SETD4: variants seen among roughly 807,000 people sequenced by gnomAD.
SETD4 encodes the protein SET domain-containing protein 4.
A neutral mutation model predicts 58.3 loss-of-function variants in SETD4; 46 were observed. The ratio of observed to expected loss-of-function variants is 0.79; its 90% confidence interval spans 0.62 to 1.01. The LOEUF is 1.01. Ranked by LOEUF, SETD4 falls within the 50% of genes least tolerant of loss-of-function variation. The probability of loss-of-function intolerance (pLI) is 0.00; values close to 1 mark genes in which losing one functional copy is unlikely to be tolerated. For missense variants in SETD4, 490 were observed against 523.3 expected (o/e 0.94, Z 0.62); for synonymous variants, 190 against 202.6 (o/e 0.94, Z 0.53).
chr21:36,040,308 C>T (rs2063985513), intron 9 of SETD4, among the ~76,000 whole-genome samples: 2 of 152,168 alleles, frequency 1.3e-5, no homozygotes, highest in African/African-American at 4.8e-5. Flanking sequence ...TTTCAGGTCA[C>T]CAGAAGGAAA....
intron 7 of SETD4, chr21:36,042,433 A>G (rs2064108470): frequency 6.6e-6 from 1 of 152,246 alleles, no homozygotes; most frequent in Non-Finnish European, 1.5e-5. Context: ...AAATTAATTT[A>G]TTCAACAAAT....
chr21:36,057,164 C>G lies in SETD4; in HGVS notation c.114G>C (p.Lys38Asn). The stretch of plus-strand genomic sequence containing the variant: ...CTTGAAACTTCCTAGCTTTCAGCCA[C>G]TTCCTCAGCTCTATAAATTCAGACT... ...SHKSEFIELR[K>N]WLKARKFQDS... The change falls in exon 3 of 12, where the codon AAG becomes AAC. Residue 38 changes from lysine (K) to asparagine (N), a missense_variant. Transcript: ENST00000332131. 2 of 1,614,236 alleles carry G rather than the reference C, an allele frequency of 1.2e-6. No individual in the cohort carries two copies. The highest frequency in any genetic ancestry group is 2.2e-5 in the South Asian group (2 of 91,080).
At chr21:36,051,317 A>G (rs1303236090) in intron 4 of SETD4, 7 of 1,588,812 alleles carry the variant, frequency 4.4e-6, no homozygotes, top group Non-Finnish European at 6.0e-6. Flanking sequence ...CCAAACTCCC[A>G]GGGTGACTGT....
rs2063740210 is a variant in SETD4 at position 36,035,202 on chromosome 21, A to C, written c.*791T>G. The C allele has an allele frequency of 6.6e-6, 1 of 152,346 alleles. No homozygotes were observed. The highest frequency in any genetic ancestry group is 1.5e-5 in the Non-Finnish European group (1 of 68,170). 9.4% of individuals were successfully genotyped at this position (152,346 alleles called of 1,614,324 possible). ...ACAGGCCGCTGAGAGCTGTGCAGGA[A>C]GCTCTCCCCACCCAAGGTCTGCGTG... is the stretch of plus-strand genomic sequence containing the variant. On this transcript the variant is annotated 3_prime_UTR_variant, in exon 12 of 12. Coordinates refer to ENST00000332131, the MANE Select transcript of SETD4 (RefSeq NM_017438.5).
intron 8 of SETD4, 140 bp downstream of exon 8, chr21:36,041,667 G>C (rs1221579892): frequency 3.3e-6 from 2 of 604,626 alleles, no homozygotes; most frequent in East Asian, 6.2e-5. Context: ...CAGTTTTACT[G>C]CACATAGTAA....
At chr21:36,051,413 A>ACTTT (rs917661143) in intron 4 of SETD4, 1 of 1,455,562 alleles carries the variant, frequency 6.9e-7, no homozygotes, top group Non-Finnish European at 9.1e-7. Flanking sequence ...CCCTTGTAAA[A>ACTTT]CTTTCTTTCT....
intron 10 of SETD4, among the ~76,000 whole-genome samples, chr21:36,037,707 C>T (rs538402678): frequency 1.4e-4 from 21 of 149,532 alleles, no homozygotes; most frequent in Non-Finnish European, 2.1e-4. Flanking sequence ...AGCCCAGATG[C>T]GGTGGTTCAG....
At chr21:36,043,106 A>G (rs934583854) in intron 7 of SETD4, 2 of 152,248 alleles carry the variant, frequency 1.3e-5, no homozygotes, top group African/African-American at 2.4e-5. Flanking sequence ...TACTAAAATT[A>G]CAAAAGTAGC....
chr21:36,059,477 C>T (rs2123805447), intron 1 of SETD4: 1 of 153,314 alleles, frequency 6.5e-6, no homozygotes, highest in Non-Finnish European at 1.4e-5. Flanking sequence ...GGGCTGAGGT[C>T]AGGAGTTCAA....
chr21:36,035,985 G>A (rs2063762160), intron 11 of SETD4, 25 bp from the exon 12 acceptor site: 1 of 1,208,100 alleles, frequency 8.3e-7, no homozygotes, highest in Non-Finnish European at 1.2e-6. Context: ...AAAGGAAAAG[G>A]ATTAAGTTCC....
chr21:36,049,095 ACT>A (rs2064504852), intron 4 of SETD4, among the ~76,000 whole-genome samples: 2 of 152,304 alleles, frequency 1.3e-5, no homozygotes, highest in South Asian at 4.1e-4. Flanking sequence ...TAAGCGTCGA[ACT>A]CTACCACTTG....
In SETD4 at chr21:36,045,798, A is replaced by G. The variant is rs773078304; in HGVS notation, c.510T>C (p.Phe170=). The G allele has an allele frequency of 2.0e-5, 33 of 1,614,108 alleles. No homozygotes were observed. Among genetic ancestry groups the G allele is most frequent in the Non-Finnish European group, 2.6e-5 (31 of 1,180,052 alleles). Residue 170 remains phenylalanine (F), a synonymous_variant, in exon 6 of 12, where the codon TTT becomes TTC. Transcript: ENST00000332131. ...AAGAGAAAAAGTCTCTGGAGGAAGCAAAGAACTCCTGCACGTGGGCTCTCT... is the reference window on the plus strand; with the variant it reads ...AAGAGAAAAAGTCTCTGGAGGAAGCGAAGAACTCCTGCACGTGGGCTCTCT... ...EEQRAHVQEF[F]ASSRDFFSSL...
intron 8 of SETD4, 33 bp from the exon 9 acceptor site, chr21:36,040,688 T>C (rs1383244571): frequency 6.4e-7 from 1 of 1,574,406 alleles, no homozygotes; most frequent in Non-Finnish European, 8.7e-7. Context: ...GACAAATCCA[T>C]CATTTCAGTA....
intron 3 of SETD4, among the ~76,000 whole-genome samples, chr21:36,056,595 A>G (rs1240575879): frequency 2.0e-5 from 3 of 152,156 alleles, no homozygotes; most frequent in Admixed American, 6.5e-5. Context: ...GTCTCACTCT[A>G]TCGCCCAAGC....
intron 4 of SETD4, chr21:36,051,002 C>G: frequency 6.3e-7 from 1 of 1,588,108 alleles, no homozygotes; most frequent in Non-Finnish European, 8.6e-7. Flanking sequence ...ATGTGTGTGG[C>G]GTTGACCTGT....
In SETD4 at chr21:36,051,316, C is replaced by G. The variant is rs559799460; in HGVS notation, c.207+2267G>C. 8.2e-6 allele frequency: 13 copies of G among 1,589,298 alleles called. No homozygotes were observed. The East Asian group carries it at 2.9e-4, about 36-fold the overall frequency. On this transcript the variant is annotated intron_variant, in intron 4 of 11. Coordinates refer to ENST00000332131, the MANE Select transcript of SETD4 (RefSeq NM_017438.5). ...GAGCGAGAGCTGCTCACCAAACTCC[C>G]AGGGTGACTGTTCAACATGAACCAG...
At chr21:36,053,974 C>G (rs529543448) in intron 3 of SETD4, among the ~76,000 whole-genome samples, 22 of 152,330 alleles carry the variant, frequency 1.4e-4, no homozygotes, top group South Asian at 4.1e-4. Flanking sequence ...CCCAGCCAAC[C>G]TCTGAGGCTA....
intron 5 of SETD4, among the ~76,000 whole-genome samples, chr21:36,046,318 T>C (rs1296715198): frequency 6.6e-6 from 1 of 152,206 alleles, no homozygotes; most frequent in Non-Finnish European, 1.5e-5. Flanking sequence ...CCAACTTGGT[T>C]CTCCAGTTGT....
chr21:36,050,205 A>G (rs899348535), intron 4 of SETD4: 1 of 1,177,252 alleles, frequency 8.5e-7, no homozygotes, highest in Non-Finnish European at 1.3e-6. Flanking sequence ...AAGGAAGCAC[A>G]AGCTGATCAA....
Sources: gnomAD v4.1 joint callset for allele counts (sites outside exome capture counted in the v4.1 genomes callset) on GRCh38, gnomAD v4.1.1 for gene constraint, MANE v1.5 for transcripts, NCBI Gene and HGNC (gene_info 2026-07-23, HGNC 2026-07-21) for gene names.